Variants in FHIT observed in about 807,000 individuals in gnomAD.
FHIT encodes the protein bis(5'-adenosyl)-triphosphatase.
Under a neutral mutation model 17.9 loss-of-function variants are expected in FHIT, and 19 were observed. The ratio of observed to expected loss-of-function variants is 1.06; its 90% CI spans 0.74 to 1.56. FHIT has a LOEUF of 1.56. FHIT is among the 40% of genes most tolerant of loss of function. The pLI is 0.00. For synonymous variants in FHIT, 81 were observed against 69.7 expected (o/e 1.16, Z -0.81); for missense variants, 248 against 189.2 (o/e 1.31, Z -1.82).
chr3:60,591,631 G>C (rs1310470846), intron 4 of FHIT, among the ~76,000 whole-genome samples: 4 of 152,012 alleles, frequency 2.6e-5, no homozygotes, highest in African/African-American at 9.7e-5. Context: ...CCATGTCGTG[G>C]AAGACTAAAG....
intron 3 of FHIT, among the ~76,000 whole-genome samples, chr3:60,959,322 T>G (rs974289426): frequency 3.3e-5 from 5 of 152,222 alleles, no homozygotes; most frequent in Non-Finnish European, 7.3e-5. Flanking sequence ...CTGCCCTTGA[T>G]GTCCCTTTGA....
rs2034717275 is a variant in FHIT at position 61,069,213 on chromosome 3, T to C, written c.-163-27114A>G. On this transcript the variant is annotated intron_variant, in intron 2 of 9. Transcript: ENST00000492590. ...ATGGTTTTTTTCGTGGCACATATAA[T>C]GGAATTGGGCTGCCTGGAAAAATGC... is the stretch of plus-strand genomic sequence containing the variant. Among the ~76,000 whole-genome samples, 2 of 152,270 alleles carry C rather than the reference T, an allele frequency of 1.3e-5. 1 individual carries two copies. The highest frequency in any genetic ancestry group is 6.8e-3 in the Middle Eastern group (2 of 294).
intron 8 of FHIT, among the ~76,000 whole-genome samples, chr3:59,887,083 A>G (rs1337811011): frequency 6.6e-6 from 1 of 152,066 alleles, no homozygotes; most frequent in Non-Finnish European, 1.5e-5. Flanking sequence ...TGGAAGGGGG[A>G]AAGTAACAAC....
chr3:60,663,694 C>T (rs1351597476), intron 4 of FHIT, among the ~76,000 whole-genome samples: 1 of 152,168 alleles, frequency 6.6e-6, no homozygotes, highest in African/African-American at 2.4e-5. Context: ...GCAGGGATTA[C>T]AGGCATGAGC....
At chr3:61,220,127 C>A (rs115506755) in intron 1 of FHIT, among the ~76,000 whole-genome samples, 1 of 152,080 alleles carries the variant, frequency 6.6e-6, no homozygotes, top group African/African-American at 2.4e-5. Flanking sequence ...ATGAAGACAC[C>A]GAATAAATTC....
chr3:60,876,992 A>G (rs1013875116), intron 3 of FHIT, among the ~76,000 whole-genome samples: 5 of 152,164 alleles, frequency 3.3e-5, no homozygotes, highest in African/African-American at 1.2e-4. Context: ...AAGGCAAGCA[A>G]GAGGATTCCA....
chr3:60,862,503 A>T, intron 3 of FHIT, among the ~76,000 whole-genome samples: 2 of 152,102 alleles, frequency 1.3e-5, no homozygotes, highest in East Asian at 3.9e-4. Flanking sequence ...GCTTAAACAC[A>T]GTCATGAATT....
intron 7 of FHIT, among the ~76,000 whole-genome samples, chr3:59,934,908 G>C (rs1283954214): frequency 9.9e-5 from 15 of 152,138 alleles, no homozygotes; most frequent in Admixed American, 9.8e-4. Context: ...TTCAAGATGA[G>C]ATTTGGGTGC....
intron 5 of FHIT, among the ~76,000 whole-genome samples, chr3:60,306,885 T>C (rs1249925142): frequency 6.6e-6 from 1 of 152,160 alleles, no homozygotes; most frequent in African/African-American, 2.4e-5. Context: ...AATAAAATCA[T>C]GGAGGATTGA....
chr3:60,956,989 T>G (rs1553779117), intron 3 of FHIT, among the ~76,000 whole-genome samples: 1 of 152,098 alleles, frequency 6.6e-6, no homozygotes, highest in Admixed American at 6.6e-5. Context: ...GAAGGGCTCA[T>G]GGTCAGGCAG....
At chr3:59,912,382 G>A (rs968983201) in intron 8 of FHIT, among the ~76,000 whole-genome samples, 5 of 152,182 alleles carry the variant, frequency 3.3e-5, no homozygotes, top group Non-Finnish European at 7.3e-5. Flanking sequence ...TCCAGGTCAC[G>A]AAAAGGAAAT....
At chr3:60,088,240 C>G (rs775821711) in intron 5 of FHIT, among the ~76,000 whole-genome samples, 7 of 152,144 alleles carry the variant, frequency 4.6e-5, no homozygotes, top group African/African-American at 1.4e-4. Context: ...CTTCATGATC[C>G]GAACACCTCC....
chr3:60,128,881 T>C (rs1699382623), intron 5 of FHIT, among the ~76,000 whole-genome samples: 6 of 152,120 alleles, frequency 3.9e-5, no homozygotes, highest in Admixed American at 2.6e-4. Flanking sequence ...CTAACACAGT[T>C]CTTTGCACAT....
chr3:61,146,450 A>G (rs1287259485), intron 2 of FHIT, among the ~76,000 whole-genome samples: 1 of 152,038 alleles, frequency 6.6e-6, no homozygotes, highest in East Asian at 1.9e-4. Context: ...TTGGACTATA[A>G]AATCTATGAT....
chr3:60,534,271 CAA>C (rs34837102), intron 5 of FHIT, among the ~76,000 whole-genome samples: 24 of 131,024 alleles, frequency 1.8e-4, no homozygotes, highest in East Asian at 2.2e-4. Flanking sequence ...ACTAAAAATA[CAA>C]AAAAAAAAAA....
chr3:60,170,846 T>A (rs986886908), intron 5 of FHIT, among the ~76,000 whole-genome samples: 5 of 152,194 alleles, frequency 3.3e-5, no homozygotes, highest in Admixed American at 2.6e-4. Flanking sequence ...TTTAATTATC[T>A]ATTTTTTCTC....
At chr3:60,053,331 TTA>T (rs1701958094) in intron 5 of FHIT, among the ~76,000 whole-genome samples, 1 of 150,500 alleles carries the variant, frequency 6.6e-6, no homozygotes, top group African/African-American at 2.5e-5. Context: ...GCCCTCACCA[TTA>T]TGTCAGAGAC....
In FHIT at chr3:61,204,303, T is replaced by C. The variant is rs371766039; in HGVS notation, c.-212-3638A>G. On this transcript the variant is annotated intron_variant, in intron 1 of 9. Coordinates refer to ENST00000492590, the MANE Select transcript of FHIT (RefSeq NM_002012.4). ...GGGGGCTTCTGGAATATGGTAATGA[T>C]CTGTTTCTTGGCCTAGAAAGAGGTA... Among the ~76,000 whole-genome samples, 15 of 152,278 alleles carry C rather than the reference T, an allele frequency of 9.9e-5. 2 individuals carry two copies. The South Asian group carries it at 2.5e-3, about 25-fold the overall frequency.
intron 4 of FHIT, among the ~76,000 whole-genome samples, chr3:60,656,972 A>T (rs922240461): frequency 9.5e-4 from 60 of 63,438 alleles, no homozygotes; most frequent in Middle Eastern, 7.8e-3. Context: ...GAATTTTTTT[A>T]TGTCCACACA....
Sources: gnomAD v4.1 joint callset for allele counts (sites outside exome capture counted in the v4.1 genomes callset) on GRCh38, gnomAD v4.1.1 for gene constraint, MANE v1.5 for transcripts, NCBI Gene and HGNC (gene_info 2026-07-23, HGNC 2026-07-21) for gene names.